PCNX2: variants seen among roughly 807,000 people sequenced by gnomAD.
The protein encoded by PCNX2 is pecanex 2, also known as pecanex-like protein 2.
In PCNX2, 168 loss-of-function variants were observed where a neutral mutation model predicts 223.8. That is an observed-to-expected ratio of 0.75 (90% confidence interval 0.66 to 0.85). The LOEUF (loss-of-function observed/expected upper bound fraction) is 0.85, where lower values mean the gene tolerates loss of function less well. Ranked by LOEUF, PCNX2 falls within the 40% of genes least tolerant of loss-of-function variation. PCNX2 has a pLI of 0.00. For missense variants in PCNX2, 2,507 were observed against 2,675.5 expected, an observed-to-expected ratio of 0.94 and a Z score of 1.39; for synonymous variants, 1,006 against 1,052.6, an observed-to-expected ratio of 0.96 and a Z score of 0.86.
intron 21 of PCNX2, among the ~76,000 whole-genome samples, chr1:233,118,009 CA>C (rs35266392): frequency 1.7e-3 from 192 of 115,318 alleles, no homozygotes; most frequent in Non-Finnish European, 1.6e-3. Flanking sequence ...GACTCCGTCT[CA>C]AAAAAAAAAA....
chr1:233,265,504 T>C (rs1263030194), intron 1 of PCNX2, among the ~76,000 whole-genome samples: 1 of 152,182 alleles, frequency 6.6e-6, no homozygotes, highest in Non-Finnish European at 1.5e-5. Flanking sequence ...CCTCTTTACT[T>C]GGTGACCTCA....
At chr1:233,252,534 A>G in intron 6 of PCNX2, 35 bp from the exon 7 acceptor site, 1 of 1,589,428 alleles carries the variant, frequency 6.3e-7, no homozygotes, top group Non-Finnish European at 8.6e-7. Flanking sequence ...AAAAATGATT[A>G]GAAGTTCCTC....
At chr1:233,182,435 A>G (rs12407315) in intron 15 of PCNX2, among the ~76,000 whole-genome samples, 20,237 of 151,780 alleles carry the variant, frequency 0.13, 1,509 homozygotes, top group East Asian at 0.22. Flanking sequence ...CAGTATCCAC[A>G]CCCTACCCCA....
chr1:233,180,504 T>G (rs748704244), intron 15 of PCNX2, among the ~76,000 whole-genome samples: 7 of 151,952 alleles, frequency 4.6e-5, no homozygotes, highest in Non-Finnish European at 8.8e-5. Flanking sequence ...AGAACTTAAA[T>G]ACTTTTCTGT....
chr1:233,085,608 T>C (rs1673564648), intron 23 of PCNX2, among the ~76,000 whole-genome samples: 2 of 152,144 alleles, frequency 1.3e-5, no homozygotes, highest in African/African-American at 4.8e-5. Context: ...AGTGACTTAC[T>C]TGTAGAAAAT....
At chr1:233,147,704 C>G (rs984627859) in intron 19 of PCNX2, among the ~76,000 whole-genome samples, 2 of 152,196 alleles carry the variant, frequency 1.3e-5, no homozygotes, top group Non-Finnish European at 2.9e-5. Context: ...TTTAGGAAGA[C>G]TTGGACTGTA....
chr1:233,271,325 T>C (rs1365391097), intron 1 of PCNX2, among the ~76,000 whole-genome samples: 2 of 152,200 alleles, frequency 1.3e-5, no homozygotes, highest in African/African-American at 2.4e-5. Context: ...ATATTTTATA[T>C]ATAATCTAAA....
At position 233,261,712 on chromosome 1, in the gene PCNX2, G is replaced by A. The variant is rs151152657; in HGVS notation, c.480+333C>T. Among the ~76,000 whole-genome samples the A allele has an allele frequency of 7.6e-3, 1,156 of 152,320 alleles. 7 individuals carry two copies. Among genetic ancestry groups the A allele is most frequent in the Admixed American group, 0.014 (211 of 15,308 alleles). ...GAGGTGATATCCATTTCAGGTGGAA[G>A]GCACTGCAGATATGATGACTTAAAT... On this transcript the variant is annotated intron_variant, in intron 3 of 33. Transcript: ENST00000258229.
At chr1:233,245,289 T>A (rs1659040250) in intron 8 of PCNX2, among the ~76,000 whole-genome samples, 1 of 152,232 alleles carries the variant, frequency 6.6e-6, no homozygotes, top group South Asian at 2.1e-4. Flanking sequence ...AGGGAGACTG[T>A]GATCAGCATC....
intron 1 of PCNX2, chr1:233,292,017 A>G (rs1267396136): frequency 2.0e-6 from 2 of 977,376 alleles, no homozygotes; most frequent in Non-Finnish European, 2.4e-6. Flanking sequence ...TCTCACAAAT[A>G]TATACATAGT....
At chr1:233,275,404 T>C (rs563975760) in intron 1 of PCNX2, among the ~76,000 whole-genome samples, 10 of 152,138 alleles carry the variant, frequency 6.6e-5, no homozygotes, top group African/African-American at 1.9e-4. Flanking sequence ...GGTTTCACCA[T>C]GTTGGCCAGA....
At chr1:233,122,073 TACACAC>T (rs3033285) in intron 21 of PCNX2, among the ~76,000 whole-genome samples, 5,177 of 131,456 alleles carry the variant, frequency 0.039, 102 homozygotes, top group African/African-American at 0.074. Flanking sequence ...AGTTAGAAAG[TACACAC>T]ACACACACAC....
At chr1:233,013,664 C>T (rs886717780) in intron 28 of PCNX2, among the ~76,000 whole-genome samples, 3 of 152,144 alleles carry the variant, frequency 2.0e-5, no homozygotes, top group Non-Finnish European at 4.4e-5. Context: ...CACAATGAAG[C>T]AAGTCCAAGT....
At chr1:232,985,740 AATC>A (rs1257527558) in intron 33 of PCNX2, 1 of 548,678 alleles carries the variant, frequency 1.8e-6, no homozygotes, top group Admixed American at 3.4e-5. Context: ...CTCAGGCCAG[AATC>A]ATGTGAGAAG....
At chr1:233,293,600 G>A (rs1454657612) in intron 1 of PCNX2, among the ~76,000 whole-genome samples, 1 of 152,222 alleles carries the variant, frequency 6.6e-6, no homozygotes, top group Non-Finnish European at 1.5e-5. Flanking sequence ...CAAGGGAGAA[G>A]AGAAATTAAT....
the PCNX2 span, among the ~76,000 whole-genome samples, chr1:233,313,932 T>C: frequency 6.6e-6 from 1 of 152,192 alleles, no homozygotes; most frequent in Non-Finnish European, 1.5e-5. Context: ...CTAGCTCCTG[T>C]GGAGGCCCAT....
chr1:233,208,769 T>A, intron 12 of PCNX2, 80 bp from the exon 13 acceptor site: 1 of 1,129,610 alleles, frequency 8.9e-7, no homozygotes, highest in Non-Finnish European at 1.2e-6. Context: ...TAATTTACAC[T>A]ATATCATATA....
At chr1:233,317,133 GCTGGGTTCAAAGGCTCAAAC>G in the PCNX2 span, among the ~76,000 whole-genome samples, 2 of 152,200 alleles carry the variant, frequency 1.3e-5, no homozygotes, top group Admixed American at 6.5e-5. Context: ...TGACAACAGG[GCTGGGTTCAAAGGCTCAAAC>G]CTGTAATCCC....
Position 233,295,171 on chromosome 1 carries a change from G to GT in PCNX2, c.153+154dup, listed in dbSNP as rs1158897569. Among the ~76,000 whole-genome samples the GT allele has an allele frequency of 6.6e-6, 1 of 152,046 alleles. No homozygotes were observed. Among genetic ancestry groups the GT allele is most frequent in the Non-Finnish European group, 1.5e-5 (1 of 68,022 alleles). Reference sequence around the variant, plus strand: ...TCCTCACAGTCCCCTTTCCCTGCATGTTCTCTGTCCCAAATTTCTGAAGCC... The same window carrying GT: ...TCCTCACAGTCCCCTTTCCCTGCATGTTTCTCTGTCCCAAATTTCTGAAGCC... On this transcript the variant is annotated intron_variant, in intron 1 of 33. Transcript: ENST00000258229. This position sits in a 1 kb window ranked among gnomAD's most constrained non-coding sequence, Gnocchi z 4.1.
Sources: gnomAD v4.1 joint callset for allele counts (sites outside exome capture counted in the v4.1 genomes callset) on GRCh38, gnomAD v4.1.1 for gene constraint, Gnocchi (gnomAD v3.1) non-coding constraint, MANE v1.5 for transcripts, NCBI Gene and HGNC (gene_info 2026-07-23, HGNC 2026-07-21) for gene names.